Variants in SNX29 observed in about 807,000 individuals in gnomAD.
SNX29 encodes the protein sorting nexin 29.
A neutral mutation model predicts 102.1 loss-of-function variants in SNX29; 78 were observed. That is an observed-to-expected ratio of 0.76 (90% CI 0.64 to 0.92). The LOEUF (loss-of-function observed/expected upper bound fraction) is 0.92. Among genes scored for constraint, SNX29 ranks in the 40% least tolerant of loss-of-function variants. SNX29 has a pLI of 0.00. For missense variants in SNX29, 1,280 were observed against 1,061.7 expected (o/e 1.21, Z -2.86); for synonymous variants, 580 against 414.5 (o/e 1.40, Z -4.85).
In SNX29 at chr16:12,058,488, GTTTTTGGTTTTT is replaced by G. The variant is rs1476838353; in HGVS notation, c.1125-3034_1125-3023del. ...GGGCCCACTGGTGTTTTTTTTTTTG[GTTTTTGGTTTTT>G]TTTTTTTTTTTGAGATGGAGTCTCG... On this transcript the variant is annotated intron_variant, in intron 8 of 20. Coordinates refer to ENST00000566228, the MANE Select transcript of SNX29 (RefSeq NM_032167.5). 4.5e-3 allele frequency among the ~76,000 whole-genome samples: 118 copies of G among 26,216 alleles called. 5 individuals carry two copies. The highest frequency in any genetic ancestry group is 0.022 in the Admixed American group (83 of 3,832). 17.2% of individuals were successfully genotyped at this position (26,216 alleles called of 152,430 possible).
chr16:12,023,126 AC>A (rs2057079902), intron 3 of SNX29, among the ~76,000 whole-genome samples: 1 of 151,858 alleles, frequency 6.6e-6, no homozygotes, highest in Non-Finnish European at 1.5e-5. Flanking sequence ...CGAACTCCTG[AC>A]CTCAAGTGAT....
At chr16:12,215,559 G>T (rs750983155) in intron 14 of SNX29, among the ~76,000 whole-genome samples, 5 of 152,118 alleles carry the variant, frequency 3.3e-5, no homozygotes, top group South Asian at 2.1e-4. Context: ...GGGCTCCAGA[G>T]GGGGGTGCCT....
intron 11 of SNX29, among the ~76,000 whole-genome samples, chr16:12,109,610 C>A (rs2053421675): frequency 6.6e-6 from 1 of 152,112 alleles, no homozygotes; most frequent in Non-Finnish European, 1.5e-5. Context: ...CATGCATGCA[C>A]CACGAAGCTG....
chr16:12,401,688 A>G (rs1476293036), intron 17 of SNX29, among the ~76,000 whole-genome samples: 1 of 152,056 alleles, frequency 6.6e-6, no homozygotes, highest in African/African-American at 2.4e-5. Context: ...TTTTATGGAG[A>G]TTTGTCTCTC....
At chr16:12,308,804 CA>C (rs964361701) in intron 15 of SNX29, among the ~76,000 whole-genome samples, 2 of 151,810 alleles carry the variant, frequency 1.3e-5, no homozygotes, top group African/African-American at 4.8e-5. Flanking sequence ...ATCTAATGAG[CA>C]AAAGAAACAA....
At chr16:12,207,970 A>G (rs1310831579) in intron 14 of SNX29, among the ~76,000 whole-genome samples, 1 of 152,166 alleles carries the variant, frequency 6.6e-6, no homozygotes, top group African/African-American at 2.4e-5. Context: ...ACAGGTGCTT[A>G]ATAAAAATTT....
At chr16:12,515,559 T>TCTGCTTCCTGCATTGCCTCC (rs1270618363) in intron 19 of SNX29, 1 of 492,380 alleles carries the variant, frequency 2.0e-6, no homozygotes, top group Admixed American at 2.3e-5. Context: ...TGCTGGCCTC[T>TCTGCTTCCTGCATTGCCTCC]CTGCTTCCTG....
chr16:12,361,006 G>C (rs938809615), intron 16 of SNX29, among the ~76,000 whole-genome samples: 1 of 152,202 alleles, frequency 6.6e-6, no homozygotes, highest in African/African-American at 2.4e-5. Flanking sequence ...ATGGGAGAGG[G>C]GGTCCCCTTA....
At chr16:12,531,874 C>A (rs767258329) in intron 20 of SNX29, among the ~76,000 whole-genome samples, 1 of 152,170 alleles carries the variant, frequency 6.6e-6, no homozygotes, top group Non-Finnish European at 1.5e-5. Flanking sequence ...CCCAGGCATG[C>A]CTCAGGAAAT....
At chr16:12,013,537 A>ATATATATATATATATATATATATC (rs1439666973) in intron 3 of SNX29, among the ~76,000 whole-genome samples, 1 of 120,946 alleles carries the variant, frequency 8.3e-6, no homozygotes, top group Non-Finnish European at 1.7e-5. Context: ...ATATATATAT[A>ATATATATATATATATATATATATC]TATATCGAGA....
chr16:12,553,967 A>T (rs1159163265), intron 20 of SNX29, among the ~76,000 whole-genome samples: 1 of 152,150 alleles, frequency 6.6e-6, no homozygotes, highest in Non-Finnish European at 1.5e-5. Context: ...AGCTGGGACT[A>T]CAGGCATCCA....
intron 13 of SNX29, among the ~76,000 whole-genome samples, chr16:12,181,312 T>C (rs536092190): frequency 1.3e-5 from 2 of 152,362 alleles, no homozygotes; most frequent in Admixed American, 1.3e-4. Context: ...TTGGGTTTTA[T>C]ACGTTCTAGG....
chr16:12,552,981 ACTGT>A (rs1345401906), intron 20 of SNX29, among the ~76,000 whole-genome samples: 3 of 152,222 alleles, frequency 2.0e-5, no homozygotes, highest in East Asian at 3.8e-4. Context: ...TGCAGCAGGC[ACTGT>A]CTGAGGGGCT....
chr16:12,316,296 G>T (rs994244366), intron 15 of SNX29, among the ~76,000 whole-genome samples: 1 of 152,164 alleles, frequency 6.6e-6, no homozygotes, highest in Non-Finnish European at 1.5e-5. Context: ...GCCAGGGTGG[G>T]TGGATCACAA....
chr16:12,444,103 A>G (rs1187947430), intron 18 of SNX29, among the ~76,000 whole-genome samples: 1 of 151,814 alleles, frequency 6.6e-6, no homozygotes, highest in Non-Finnish European at 1.5e-5. Flanking sequence ...TATAGCACCT[A>G]GCACGTAGTA....
intron 16 of SNX29, chr16:12,373,631 C>G (rs980792825): frequency 6.6e-6 from 1 of 152,138 alleles, no homozygotes. Context: ...TTTATTTGCT[C>G]TCTCCTTTGT....
intron 15 of SNX29, among the ~76,000 whole-genome samples, chr16:12,312,752 G>T (rs2080601552): frequency 6.6e-6 from 1 of 151,972 alleles, no homozygotes; most frequent in Non-Finnish European, 1.5e-5. Context: ...AACTTCCATG[G>T]TAAGGGAGAA....
intron 14 of SNX29, among the ~76,000 whole-genome samples, chr16:12,271,222 C>G (rs1317631746): frequency 6.6e-6 from 1 of 152,242 alleles, no homozygotes; most frequent in Admixed American, 6.5e-5. Context: ...ACATGCCTGG[C>G]TCAGGGTCTC....
rs139033688 is a variant in SNX29, at chr16:12,572,152, A to G, written c.*3523A>G. On this transcript the variant is annotated 3_prime_UTR_variant, in exon 21 of 21. Transcript: ENST00000566228. ...GCTTCATACTTTGGAGCTTATTAAG[A>G]TCAATTTTGATAACCATGTAATTTC... The G allele has an allele frequency of 1.3e-4, 131 of 984,756 alleles. 1 individual carries two copies. The African/African-American group carries it at 2.0e-3, about 15-fold the overall frequency. 61.0% of individuals were successfully genotyped at this position (984,756 alleles called of 1,614,324 possible).
Sources: gnomAD v4.1 joint callset for allele counts (sites outside exome capture counted in the v4.1 genomes callset) on GRCh38, gnomAD v4.1.1 for gene constraint, MANE v1.5 for transcripts, NCBI Gene and HGNC (gene_info 2026-07-23, HGNC 2026-07-21) for gene names.